The following BMPR1B variants were observed in gnomAD, a reference collection of about 807,000 sequenced individuals.
BMPR1B encodes the protein bone morphogenetic protein receptor type-1B.
A neutral mutation model predicts 59.1 loss-of-function variants in BMPR1B; 12 were observed. That is an observed-to-expected ratio of 0.20 (90% CI 0.13 to 0.33). BMPR1B has a LOEUF of 0.33. Among genes scored for constraint, BMPR1B ranks in the 10% least tolerant of loss-of-function variants. BMPR1B has a pLI of 1.00. For synonymous variants in BMPR1B, 237 were observed against 207.3 expected, an observed-to-expected ratio of 1.14 and a Z score of -1.23; for missense variants, 550 against 610.9, an observed-to-expected ratio of 0.90 and a Z score of 1.05.
At chr4:95,063,728 C>CT (rs1727586919) in intron 3 of BMPR1B, among the ~76,000 whole-genome samples, 1 of 151,704 alleles carries the variant, frequency 6.6e-6, no homozygotes, top group Admixed American at 6.6e-5. Context: ...AAAAGGACAC[C>CT]CCATACTCTT....
At chr4:94,999,302 C>T (rs1010410280) in intron 3 of BMPR1B, among the ~76,000 whole-genome samples, 1 of 152,008 alleles carries the variant, frequency 6.6e-6, no homozygotes, top group Non-Finnish European at 1.5e-5. Flanking sequence ...ACCCCTTTCA[C>T]TTTAAAATAT....
intron 3 of BMPR1B, among the ~76,000 whole-genome samples, chr4:95,056,624 C>T (rs985049381): frequency 6.6e-5 from 10 of 152,158 alleles, no homozygotes; most frequent in Non-Finnish European, 1.3e-4. Context: ...CGTCTGCTCC[C>T]TTCTTTTCTT....
chr4:95,099,128 G>GA (rs367595143), intron 3 of BMPR1B, among the ~76,000 whole-genome samples: 8 of 152,300 alleles, frequency 5.3e-5, no homozygotes, highest in African/African-American at 1.9e-4. Context: ...CATAACACAT[G>GA]AAAACATGGT....
At chr4:94,773,232 A>G (rs1722250680) in intron 1 of BMPR1B, among the ~76,000 whole-genome samples, 1 of 152,136 alleles carries the variant, frequency 6.6e-6, no homozygotes, top group African/African-American at 2.4e-5. Context: ...ATATTGGCCA[A>G]CTGGAATGGG....
chr4:95,046,597 A>G (rs1352165845), intron 3 of BMPR1B, among the ~76,000 whole-genome samples: 2 of 152,202 alleles, frequency 1.3e-5, no homozygotes, highest in Admixed American at 1.3e-4. Flanking sequence ...GTAAATCTAG[A>G]ATGTGTGAAT....
intron 1 of BMPR1B, among the ~76,000 whole-genome samples, chr4:94,758,929 TC>T (rs1286660549): frequency 2.0e-5 from 3 of 151,888 alleles, no homozygotes; most frequent in Admixed American, 1.3e-4. Context: ...TTTTGGTCTC[TC>T]TCTCTCTCTC....
chr4:94,775,863 G>A (rs72884127), intron 1 of BMPR1B, among the ~76,000 whole-genome samples: 10 of 152,126 alleles, frequency 6.6e-5, no homozygotes, highest in African/African-American at 1.4e-4. Context: ...AGGCGGAGGC[G>A]GGCAGATCGT....
At chr4:94,828,481 T>G (rs1304081926) in intron 1 of BMPR1B, among the ~76,000 whole-genome samples, 2 of 152,218 alleles carry the variant, frequency 1.3e-5, no homozygotes, top group Admixed American at 1.3e-4. Context: ...TACCGCTCTT[T>G]GATTACAGGA....
intron 3 of BMPR1B, among the ~76,000 whole-genome samples, chr4:95,040,570 G>C (rs1303221916): frequency 6.6e-6 from 1 of 152,094 alleles, no homozygotes; most frequent in African/African-American, 2.4e-5. Flanking sequence ...GCACTAATTT[G>C]GTAAAGAAGA....
At chr4:95,077,549 T>C (rs149190333) in intron 3 of BMPR1B, among the ~76,000 whole-genome samples, 38 of 152,318 alleles carry the variant, frequency 2.5e-4, no homozygotes, top group African/African-American at 9.1e-4. Context: ...TAATGGTTTG[T>C]TGATAAGCCA....
In BMPR1B at chr4:95,125,140, T is replaced by C. The variant is rs1314553566; in HGVS notation, c.585+19T>C. The C allele has an allele frequency of 1.2e-6, 2 of 1,613,164 alleles. No homozygotes were observed. Among genetic ancestry groups the C allele is most frequent in the Admixed American group, 1.7e-5 (1 of 59,902 alleles). On this transcript the variant is annotated intron_variant, in intron 8 of 12. Transcript: ENST00000515059. ...TCTGCTGGTATGAGAAGAACACATC[T>C]TGAATTTAAAGGAAATGTTTTCTGA...
At chr4:94,884,493 T>G (rs1399822539) in intron 2 of BMPR1B, among the ~76,000 whole-genome samples, 1 of 151,942 alleles carries the variant, frequency 6.6e-6, no homozygotes, top group South Asian at 2.1e-4. Context: ...GCCATTGCAC[T>G]CCAGCCTGGG....
chr4:95,029,360 T>C (rs937383198), intron 3 of BMPR1B, among the ~76,000 whole-genome samples: 1 of 151,514 alleles, frequency 6.6e-6, no homozygotes, highest in African/African-American at 2.4e-5. Context: ...TGGTTTTTTG[T>C]CCTTGCGATA....
chr4:94,985,416 G>A (rs890656743), intron 2 of BMPR1B, among the ~76,000 whole-genome samples: 3 of 152,068 alleles, frequency 2.0e-5, no homozygotes, highest in African/African-American at 7.2e-5. Flanking sequence ...ATTGGAAATA[G>A]GGGAGAGCAG....
At chr4:94,996,577 G>A (rs1722072365) in intron 3 of BMPR1B, among the ~76,000 whole-genome samples, 1 of 152,170 alleles carries the variant, frequency 6.6e-6, no homozygotes, top group South Asian at 2.1e-4. Context: ...TGTGGAAGCT[G>A]GGAATTGGGG....
intron 2 of BMPR1B, among the ~76,000 whole-genome samples, chr4:94,908,368 T>G (rs2149008962): frequency 6.6e-6 from 1 of 152,040 alleles, no homozygotes; most frequent in South Asian, 2.1e-4. Context: ...CAGTAAGCAT[T>G]GTTTAAACCT....
intron 1 of BMPR1B, among the ~76,000 whole-genome samples, chr4:94,873,552 G>A (rs1197044514): frequency 2.0e-5 from 3 of 152,012 alleles, no homozygotes; most frequent in Admixed American, 6.6e-5. Flanking sequence ...GACTACAGGC[G>A]TGCGCCACCA....
intron 3 of BMPR1B, among the ~76,000 whole-genome samples, chr4:95,049,564 T>C (rs1355898198): frequency 6.6e-6 from 1 of 150,460 alleles, no homozygotes; most frequent in Non-Finnish European, 1.5e-5. Flanking sequence ...CACTTACTAA[T>C]AGGAGCTGTC....
intron 3 of BMPR1B, among the ~76,000 whole-genome samples, chr4:95,045,309 A>G (rs1725961642): frequency 6.6e-6 from 1 of 152,170 alleles, no homozygotes; most frequent in Non-Finnish European, 1.5e-5. Flanking sequence ...ATGAGCTGCA[A>G]GAAGTAGTAG....
Sources: gnomAD v4.1 joint callset for allele counts (sites outside exome capture counted in the v4.1 genomes callset) on GRCh38, gnomAD v4.1.1 for gene constraint, MANE v1.5 for transcripts, NCBI Gene and HGNC (gene_info 2026-07-23, HGNC 2026-07-21) for gene names.